FGF13: variants seen among roughly 807,000 people sequenced by gnomAD.
The protein encoded by FGF13 is fibroblast growth factor homologous factor 2.
FGF13 carries 2 observed loss-of-function variants against 19.5 expected under a neutral mutation model. That is an observed-to-expected ratio of 0.10 (90% CI 0.04 to 0.32). The LOEUF (loss-of-function observed/expected upper bound fraction) is 0.32. FGF13 is among the 10% of genes least tolerant of loss of function. FGF13 has a pLI of 1.00. For synonymous variants in FGF13, 72 were observed against 76.9 expected, an observed-to-expected ratio of 0.94 and a Z score of 0.33; for missense variants, 113 against 192.7, an observed-to-expected ratio of 0.59 and a Z score of 2.45.
intron 3 of FGF13, among the ~76,000 whole-genome samples, chrX:138,678,682 C>T (rs1046004450): frequency 8.9e-6 from 1 of 111,813 alleles, no homozygotes; most frequent in African/African-American, 3.2e-5. Context: ...ATAACATGAA[C>T]TTGAATGAAT....
At chrX:138,699,898 G>C (rs1379791465) in intron 3 of FGF13, among the ~76,000 whole-genome samples, 1 of 111,444 alleles carries the variant, frequency 9.0e-6, no homozygotes, top group East Asian at 2.8e-4. Context: ...CTATACTCAG[G>C]TAACTTCCTC....
At chrX:138,857,639 C>T in exon 3 of FGF13, 2 of 1,207,845 alleles carry the variant, frequency 1.7e-6, no homozygotes, top group South Asian at 3.6e-5. Context: ...CTTGTCGTAA[C>T]ATAATGTATT....
intron 2 of FGF13, among the ~76,000 whole-genome samples, chrX:138,705,951 T>A (rs2089988153): frequency 8.9e-6 from 1 of 112,306 alleles, no homozygotes; most frequent in Non-Finnish European, 1.9e-5. Context: ...AACATAAATG[T>A]GCCTGTGTTT....
intron 3 of FGF13, among the ~76,000 whole-genome samples, chrX:138,694,986 A>AAC (rs745359063): frequency 0.08 from 6,769 of 84,611 alleles, 275 homozygotes; most frequent in African/African-American, 0.1. Context: ...TACTAGTTGA[A>AAC]ACACACACAC....
intron 1 of FGF13, among the ~76,000 whole-genome samples, chrX:139,043,302 C>G (rs1440887649): frequency 9.0e-6 from 1 of 110,691 alleles, no homozygotes; most frequent in Non-Finnish European, 1.9e-5. Flanking sequence ...ACCCCCGCCT[C>G]CCAAGTTCAA....
At chrX:138,707,017 A>G (rs1217433707) in intron 2 of FGF13, among the ~76,000 whole-genome samples, 1 of 112,486 alleles carries the variant, frequency 8.9e-6, no homozygotes, top group Non-Finnish European at 1.9e-5. Context: ...GTCTTTCAAT[A>G]TCATTAGTAG....
chrX:138,900,295 C>T (rs886116227), intron 1 of FGF13, among the ~76,000 whole-genome samples: 1 of 110,835 alleles, frequency 9.0e-6, no homozygotes, highest in African/African-American at 3.3e-5. Flanking sequence ...CATTCTTACA[C>T]AGTATCTCCA....
At chrX:138,659,823 C>G (rs1176881105) in intron 3 of FGF13, among the ~76,000 whole-genome samples, 1 of 111,579 alleles carries the variant, frequency 9.0e-6, no homozygotes, top group Non-Finnish European at 1.9e-5. Flanking sequence ...AAACCAAACA[C>G]CACAAGTTTT....
At chrX:138,737,273 G>C (rs969552110) in intron 1 of FGF13, among the ~76,000 whole-genome samples, 2 of 111,783 alleles carry the variant, frequency 1.8e-5, no homozygotes, top group African/African-American at 6.5e-5. Context: ...GTGTTTTCCC[G>C]TATGAAGGCT....
At chrX:138,774,997 C>A (rs1279432918) in intron 3 of FGF13, among the ~76,000 whole-genome samples, 1 of 112,393 alleles carries the variant, frequency 8.9e-6, no homozygotes, top group Non-Finnish European at 1.9e-5. Context: ...TCTTGCTCTG[C>A]CACCCAGGCT....
At position 138,627,342 on chromosome X, in the gene FGF13, A is replaced by G. The variant is rs1485383827; in HGVS notation, c.*5508T>C. 8.9e-6 allele frequency: 1 copy of G among 111,902 alleles called. No individual in the cohort carries two copies. The highest frequency in any genetic ancestry group is 1.9e-5 in the Non-Finnish European group (1 of 53,243). 9.2% of individuals were successfully genotyped at this position (111,902 alleles called of 1,213,427 possible). A position where few individuals can be genotyped will look rare whatever the true frequency, so the allele number is the denominator to read the frequency against. ...CTAATTGCTAACTTTACACAGCATTAAAAACAAATTATTAAGAGCGTACAC... is the reference window on the plus strand; with the variant it reads ...CTAATTGCTAACTTTACACAGCATTGAAAACAAATTATTAAGAGCGTACAC... On this transcript the variant is annotated 3_prime_UTR_variant, in exon 5 of 5. Coordinates refer to ENST00000315930, the MANE Select transcript of FGF13 (RefSeq NM_004114.5).
intron 3 of FGF13, among the ~76,000 whole-genome samples, chrX:138,673,289 G>A (rs1311903768): frequency 9.0e-6 from 1 of 111,433 alleles, no homozygotes; most frequent in Non-Finnish European, 1.9e-5. Context: ...TACATGCGAT[G>A]GCTGGAGGAG....
rs138392209 is a variant in FGF13, at chrX:138,726,399, A to C, written c.28+12843T>G. ...ATGCTATTTAACCTCTCTGATCTTCAATTTTTTCTATTGTGAAATTTAAAT... is the reference window on the plus strand; with the variant it reads ...ATGCTATTTAACCTCTCTGATCTTCCATTTTTTCTATTGTGAAATTTAAAT... On this transcript the variant is annotated intron_variant, in intron 1 of 4. Transcript: ENST00000305414. Among the ~76,000 whole-genome samples, 1,019 of 111,852 alleles carry C rather than the reference A, an allele frequency of 9.1e-3. 12 individuals are homozygous for C. The highest frequency in any genetic ancestry group is 0.031 in the African/African-American group (947 of 30,814).
intron 3 of FGF13, among the ~76,000 whole-genome samples, chrX:138,750,660 G>A (rs951357866): frequency 7.2e-5 from 8 of 111,266 alleles, no homozygotes; most frequent in Admixed American, 1.9e-4. Flanking sequence ...ATGTGAATGC[G>A]CACACATATA....
chrX:139,109,181 T>C (rs1030675844), intron 1 of FGF13, among the ~76,000 whole-genome samples: 2 of 111,814 alleles, frequency 1.8e-5, no homozygotes, highest in Admixed American at 9.5e-5. Flanking sequence ...GACAATATGG[T>C]GAGGGCACCA....
At chrX:138,944,113 G>A (rs1004239684) in intron 1 of FGF13, among the ~76,000 whole-genome samples, 1 of 111,300 alleles carries the variant, frequency 9.0e-6, no homozygotes, top group African/African-American at 3.3e-5. Context: ...TAAGGCACAT[G>A]AAAATTGGGT....
chrX:139,096,733 A>G (rs2083472837), intron 1 of FGF13, among the ~76,000 whole-genome samples: 1 of 112,302 alleles, frequency 8.9e-6, no homozygotes, highest in African/African-American at 3.2e-5. Flanking sequence ...ATAATAAAAA[A>G]GATCAGTCAA....
At chrX:139,117,370 T>C (rs920925174) in intron 1 of FGF13, among the ~76,000 whole-genome samples, 2 of 111,792 alleles carry the variant, frequency 1.8e-5, no homozygotes, top group Non-Finnish European at 3.8e-5. Flanking sequence ...CTATACTTTA[T>C]GGTACAGAGG....
chrX:138,669,196 T>A (rs2089587053), intron 3 of FGF13, among the ~76,000 whole-genome samples: 1 of 110,461 alleles, frequency 9.1e-6, no homozygotes, highest in South Asian at 3.9e-4. Context: ...GGACAAAGGA[T>A]AATTGATGTA....
Sources: allele counts gnomAD v4.1 joint callset (sites outside exome capture counted in the v4.1 genomes callset), GRCh38; gene constraint gnomAD v4.1.1; transcripts MANE v1.5; gene names NCBI Gene and HGNC (gene_info 2026-07-23, HGNC 2026-07-21).